Variants in FMO3 observed in about 807,000 individuals in gnomAD.
The protein encoded by FMO3 is flavin containing dimethylaniline monoxygenase 3, also known as flavin-containing monooxygenase 3.
In FMO3, 40 loss-of-function variants were observed where a neutral mutation model predicts 39.4. The observed-to-expected ratio is 1.02, with a 90% CI of 0.79 to 1.32. The LOEUF is 1.32. Ranked by LOEUF, FMO3 falls within the 40% of genes most tolerant of loss-of-function variation. The probability of loss-of-function intolerance (pLI) is 0.00; values close to 1 mark genes in which losing one functional copy is unlikely to be tolerated. For synonymous variants in FMO3, 219 were observed against 228.8 expected (o/e 0.96, Z 0.39); for missense variants, 680 against 651.8 (o/e 1.04, Z -0.47).
intron 2 of FMO3, among the ~76,000 whole-genome samples, chr1:171,096,105 TTAA>T (rs1203200902): frequency 8.5e-5 from 7 of 82,396 alleles, no homozygotes; most frequent in South Asian, 3.9e-4. Flanking sequence ...TTTTATATAA[TTAA>T]TTATTATATA....
chr1:171,116,598 G>A (rs192411092), intron 8 of FMO3, among the ~76,000 whole-genome samples: 17 of 152,284 alleles, frequency 1.1e-4, no homozygotes, highest in African/African-American at 4.1e-4. Context: ...AATCAGAGGA[G>A]TTTGGGAACA....
intron 2 of FMO3, among the ~76,000 whole-genome samples, chr1:171,098,514 T>TAAG (rs1557935866): frequency 6.6e-6 from 1 of 152,206 alleles, no homozygotes. Context: ...ACATCCCTTG[T>TAAG]AAGTTGGATT....
At chr1:171,096,785 A>AAAACAT (rs1553228432) in intron 2 of FMO3, among the ~76,000 whole-genome samples, 1 of 138,144 alleles carries the variant, frequency 7.2e-6, no homozygotes, top group East Asian at 2.2e-4. Context: ...AATTATATTA[A>AAAACAT]AAATATATAT....
At chr1:171,106,660 G>C (rs1460881302) in intron 3 of FMO3, among the ~76,000 whole-genome samples, 1 of 151,776 alleles carries the variant, frequency 6.6e-6, no homozygotes, top group Non-Finnish European at 1.5e-5. Context: ...CAACTCAAAA[G>C]AAAGTAAAAC....
chr1:171,092,897 T>A (rs934014201), intron 2 of FMO3, 107 bp downstream of exon 2: 13 of 1,210,208 alleles, frequency 1.1e-5, no homozygotes, highest in Non-Finnish European at 1.3e-5. Context: ...AGTTATCATA[T>A]CTGTTAGAAT....
At chr1:171,092,818 G>T (rs779899715) in intron 2 of FMO3, 28 bp downstream of exon 2, 11 of 1,612,548 alleles carry the variant, frequency 6.8e-6, no homozygotes, top group Non-Finnish European at 9.3e-6. Context: ...GTAATAGACA[G>T]GAAAATAGGT....
chr1:171,095,807 ATATT>A (rs1442893249), intron 2 of FMO3, among the ~76,000 whole-genome samples: 4 of 124,068 alleles, frequency 3.2e-5, no homozygotes, highest in African/African-American at 9.0e-5. Flanking sequence ...ATATAAATAT[ATATT>A]TATATAACTA....
intron 7 of FMO3, 69 bp from the exon 8 acceptor site, chr1:171,116,139 A>G: frequency 2.1e-6 from 2 of 958,054 alleles, no homozygotes; most frequent in Non-Finnish European, 3.4e-6. Flanking sequence ...CATTATTAAA[A>G]AGGGAAAATT....
chr1:171,093,711 C>T (rs1199442469), intron 2 of FMO3, among the ~76,000 whole-genome samples: 1 of 151,634 alleles, frequency 6.6e-6, no homozygotes. Flanking sequence ...CTACTAGGGG[C>T]ATTGTTGGGT....
chr1:171,104,676 C>T (rs1571215188), intron 3 of FMO3, among the ~76,000 whole-genome samples: 1 of 152,180 alleles, frequency 6.6e-6, no homozygotes, highest in African/African-American at 2.4e-5. Context: ...GAGTTGGAAA[C>T]TAGCCTGGGT....
intron 3 of FMO3, among the ~76,000 whole-genome samples, chr1:171,106,434 C>G (rs1032566532): frequency 2.0e-5 from 3 of 152,150 alleles, no homozygotes; most frequent in African/African-American, 7.2e-5. Context: ...GCCACCATGC[C>G]TGGTCTTAGA....
In FMO3 at chr1:171,096,731, T is replaced by TATATATAATTAATATAATTATATTAATA. The variant is rs1655103059; in HGVS notation, c.132+3967_132+3968insTAATATATAATTAATATAATTATATTAA. ...AAAATTAATATAATTATATTAAAAA[T>TATATATAATTAATATAATTATATTAATA]ATATATAATTAATATAATTATATTA... On this transcript the variant is annotated intron_variant, in intron 2 of 8. Transcript: ENST00000367755. Among the ~76,000 whole-genome samples, 3 of 127,286 alleles carry TATATATAATTAATATAATTATATTAATA rather than the reference T, an allele frequency of 2.4e-5. No homozygotes were observed. In the South Asian group the frequency reaches 8.8e-4, roughly 38 times the overall value. 83.5% of individuals were successfully genotyped at this position (127,286 alleles called of 152,430 possible).
Position 171,103,863 on chromosome 1 carries a change from G to C in FMO3, c.211G>C (p.Asp71His), listed in dbSNP as rs143454925. The C allele has an allele frequency of 6.2e-7, 1 of 1,613,814 alleles. No individual in the cohort carries two copies. Among genetic ancestry groups the C allele is most frequent in the African/African-American group, 1.3e-5 (1 of 75,024 alleles). ...NSSKEMMCFP[D>H]FPFPDDFPNF... The stretch of plus-strand genomic sequence containing the variant: ...TTCCAAAGAGATGATGTGTTTCCCA[G>C]ACTTCCCATTTCCCGATGACTTCCC... The change falls in exon 3 of 9, where the codon GAC becomes CAC. Residue 71 changes from aspartate to histidine, a missense_variant. Asp to His is a moderately conservative substitution (Grantham distance 81). Coordinates refer to ENST00000367755, the MANE Select transcript of FMO3 (RefSeq NM_001002294.3).
At chr1:171,111,109 A>G (rs563477164) in intron 6 of FMO3, 112 bp downstream of exon 6, 1 of 843,590 alleles carries the variant, frequency 1.2e-6, no homozygotes, top group African/African-American at 1.7e-5. Flanking sequence ...CAACTCATAT[A>G]TCAGAAGATA....
chr1:171,098,475 G>T (rs1335872118), intron 2 of FMO3, among the ~76,000 whole-genome samples: 4 of 152,104 alleles, frequency 2.6e-5, no homozygotes, highest in Admixed American at 2.6e-4. Flanking sequence ...TTGAGCAGTG[G>T]TTTGTAGTTC....
chr1:171,117,653 T>G lies in FMO3; in HGVS notation c.*211T>G, dbSNP rs547257101. 2.1e-6 allele frequency: 1 copy of G among 472,428 alleles called. No individual in the cohort carries two copies. The highest frequency in any genetic ancestry group is 1.9e-5 in the African/African-American group (1 of 51,334). The allele number at this position is 472,428 out of a possible 1,614,324, so 29.3% of individuals were successfully genotyped here. The stretch of plus-strand genomic sequence containing the variant: ...CATGATCTTAAGAGAGCACTAATCA[T>G]TTCTGTTTGAGTTCCACTAACACTT... On this transcript the variant is annotated 3_prime_UTR_variant, in exon 9 of 9. Coordinates refer to ENST00000367755, the MANE Select transcript of FMO3 (RefSeq NM_001002294.3).
At chr1:171,092,032 TC>T (rs1557929795) in intron 1 of FMO3, among the ~76,000 whole-genome samples, 2 of 152,078 alleles carry the variant, frequency 1.3e-5, no homozygotes, top group African/African-American at 4.8e-5. Flanking sequence ...CTTTATTTCT[TC>T]TGCTTACTCT....
At chr1:171,117,026 G>T in intron 8 of FMO3, 74 bp from the exon 9 acceptor site, 1 of 1,118,142 alleles carries the variant, frequency 8.9e-7, no homozygotes, top group Admixed American at 1.7e-5. Flanking sequence ...ATATAAAGTT[G>T]CGAGCCATTT....
At chr1:171,108,041 T>C (rs150042882) in intron 4 of FMO3, 38 bp from the exon 5 acceptor site, 1 of 1,610,072 alleles carries the variant, frequency 6.2e-7, no homozygotes, top group East Asian at 2.2e-5. Flanking sequence ...TTTAAATATA[T>C]GACTCAAACT....
Sources: gnomAD v4.1 joint callset for allele counts (sites outside exome capture counted in the v4.1 genomes callset) on GRCh38, gnomAD v4.1.1 for gene constraint, MANE v1.5 for transcripts, NCBI Gene and HGNC (gene_info 2026-07-23, HGNC 2026-07-21) for gene names.